Variants in RBFOX1 observed in about 807,000 individuals in gnomAD.
RBFOX1 encodes RNA binding protein fox-1 homolog 1.
Under a neutral mutation model 57.7 loss-of-function variants are expected in RBFOX1, and 8 were observed. That is an observed-to-expected ratio of 0.14 (90% CI 0.08 to 0.25). RBFOX1 has a LOEUF of 0.25. RBFOX1 is among the 10% of genes least tolerant of loss of function. The pLI is 1.00. For synonymous variants in RBFOX1, 326 were observed against 222.4 expected (o/e 1.47, Z -4.15); for missense variants, 611 against 548.5 (o/e 1.11, Z -1.14).
intron 1 of RBFOX1, among the ~76,000 whole-genome samples, chr16:5,330,724 T>TA (rs914871585): frequency 1.3e-5 from 2 of 150,830 alleles, no homozygotes; most frequent in South Asian, 2.1e-4. Flanking sequence ...TTTTTTTTTT[T>TA]AATGAGAAAC....
intron 2 of RBFOX1, among the ~76,000 whole-genome samples, chr16:6,456,915 G>A (rs1250592693): frequency 6.6e-6 from 1 of 152,198 alleles, no homozygotes; most frequent in Non-Finnish European, 1.5e-5. Context: ...TTGGGTCTTA[G>A]TGAGAAGATG....
At chr16:7,695,335 C>G (rs1345965825) in intron 14 of RBFOX1, among the ~76,000 whole-genome samples, 1 of 152,134 alleles carries the variant, frequency 6.6e-6, no homozygotes, top group African/African-American at 2.4e-5. Flanking sequence ...ACTGCTCAGT[C>G]AACAAAGGTT....
chr16:6,493,815 C>T (rs1022813884), intron 2 of RBFOX1, among the ~76,000 whole-genome samples: 1 of 152,202 alleles, frequency 6.6e-6, no homozygotes, highest in African/African-American at 2.4e-5. Context: ...ATTTCACTTC[C>T]TTTAAACACG....
intron 1 of RBFOX1, among the ~76,000 whole-genome samples, chr16:6,100,032 T>G (rs143562255): frequency 1.1e-3 from 168 of 152,342 alleles, no homozygotes; most frequent in African/African-American, 3.9e-3. Context: ...TTAGGAATGT[T>G]GAGCACATAT....
chr16:5,835,495 C>T (rs1567605415), intron 3 of RBFOX1, among the ~76,000 whole-genome samples: 2 of 152,194 alleles, frequency 1.3e-5, no homozygotes, highest in Non-Finnish European at 2.9e-5. Context: ...TATCAACATC[C>T]TGCCTGTTGG....
intron 2 of RBFOX1, among the ~76,000 whole-genome samples, chr16:6,507,101 C>T (rs1022783720): frequency 4.6e-5 from 7 of 152,112 alleles, no homozygotes; most frequent in East Asian, 3.9e-4. Flanking sequence ...CCCAAGTCTC[C>T]GCTTCTGATG....
At chr16:6,560,702 A>G (rs4419063) in intron 2 of RBFOX1, among the ~76,000 whole-genome samples, 44,613 of 152,074 alleles carry the variant, frequency 0.29, 8,021 homozygotes, top group Non-Finnish European at 0.39. Flanking sequence ...TGCATTGAAA[A>G]TTGATTATGA....
chr16:6,108,269 A>G (rs2096405642), intron 1 of RBFOX1, among the ~76,000 whole-genome samples: 1 of 152,126 alleles, frequency 6.6e-6, no homozygotes, highest in Admixed American at 6.5e-5. Flanking sequence ...CAGAGTGGTT[A>G]TAGAAGAGGG....
rs146691303 is a variant in RBFOX1, at chr16:7,005,090, G to T, written c.-15-46967G>T. On this transcript the variant is annotated intron_variant, in intron 3 of 15. Transcript: ENST00000550418. ...ATCCAGGAGGCAGAAGTTGCAGTCA[G>T]CTGAGATCGCGTCATTGCACTCCAG... is the stretch of plus-strand genomic sequence containing the variant. Among the ~76,000 whole-genome samples, 519 of 152,278 alleles carry T rather than the reference G, an allele frequency of 3.4e-3. 9 individuals are homozygous for T. Among genetic ancestry groups the T allele is most frequent in the African/African-American group, 0.012 (493 of 41,548 alleles).
At chr16:6,609,616 C>T (rs2098009901) in intron 2 of RBFOX1, among the ~76,000 whole-genome samples, 1 of 152,062 alleles carries the variant, frequency 6.6e-6, no homozygotes, top group Non-Finnish European at 1.5e-5. Flanking sequence ...TTGTTTATTT[C>T]TTTACTGGAT....
At chr16:7,371,805 T>C (rs1258293359) in intron 4 of RBFOX1, among the ~76,000 whole-genome samples, 6 of 152,218 alleles carry the variant, frequency 3.9e-5, no homozygotes, top group East Asian at 1.9e-4. Flanking sequence ...CATACAGATA[T>C]ATGTTGTTTT....
chr16:6,033,130 T>G (rs997558498), intron 1 of RBFOX1, among the ~76,000 whole-genome samples: 1 of 152,134 alleles, frequency 6.6e-6, no homozygotes, highest in African/African-American at 2.4e-5. Flanking sequence ...GTGCTAATAG[T>G]TAGTTCCTCC....
At chr16:6,388,304 G>A (rs1043766109) in intron 2 of RBFOX1, among the ~76,000 whole-genome samples, 1 of 151,882 alleles carries the variant, frequency 6.6e-6, no homozygotes, top group African/African-American at 2.4e-5. Flanking sequence ...GAACTTGGGG[G>A]ACGTAGGTCT....
At chr16:5,758,014 A>T (rs1277710618) in intron 3 of RBFOX1, among the ~76,000 whole-genome samples, 3 of 152,194 alleles carry the variant, frequency 2.0e-5, no homozygotes, top group Non-Finnish European at 4.4e-5. Flanking sequence ...GCTTCCCAGA[A>T]AAACATCTCT....
intron 11 of RBFOX1, among the ~76,000 whole-genome samples, chr16:7,652,989 C>T (rs1404716091): frequency 6.6e-6 from 1 of 151,986 alleles, no homozygotes; most frequent in African/African-American, 2.4e-5. Flanking sequence ...GCAGTTCGGC[C>T]CCAGAGATTG....
chr16:6,551,879 G>A lies in RBFOX1; in HGVS notation c.-63-102724G>A, dbSNP rs556751186. Among the ~76,000 whole-genome samples the A allele has an allele frequency of 3.9e-5, 6 of 152,276 alleles. No individual in the cohort carries two copies. The East Asian group carries it at 1.2e-3, about 29-fold the overall frequency. ...CAGTGCGTTGGTCATTTCAGAGTGG[G>A]AAAAGCCTTCAGCTCAGTGTCCTTC... On this transcript the variant is annotated intron_variant, in intron 2 of 15. Transcript: ENST00000550418.
In RBFOX1 at chr16:6,971,716, C is replaced by A. The variant is rs558326841; in HGVS notation, c.-15-80341C>A. The stretch of plus-strand genomic sequence containing the variant: ...TTGGGGTTAGGGTGTTGTTAGCAGA[C>A]CTGTGGGAGTGTGGACGGATTGGGG... On this transcript the variant is annotated intron_variant, in intron 3 of 15. Coordinates refer to ENST00000550418, the MANE Select transcript of RBFOX1 (RefSeq NM_018723.4). Among the ~76,000 whole-genome samples, 7 of 152,080 alleles carry A rather than the reference C, an allele frequency of 4.6e-5. 1 individual carries two copies. The East Asian group carries it at 1.2e-3, about 25-fold the overall frequency.
intron 1 of RBFOX1, among the ~76,000 whole-genome samples, chr16:5,386,164 G>C (rs1011743150): frequency 1.3e-5 from 2 of 151,794 alleles, no homozygotes; most frequent in African/African-American, 4.8e-5. Flanking sequence ...CCCACTAAGA[G>C]GTCAAAGCTA....
At chr16:6,392,535 T>A (rs2152935507) in intron 2 of RBFOX1, among the ~76,000 whole-genome samples, 1 of 152,346 alleles carries the variant, frequency 6.6e-6, no homozygotes, top group Middle Eastern at 3.4e-3. Flanking sequence ...AAGCTAAATG[T>A]CATTGTATTC....
Sources: gnomAD v4.1 joint callset for allele counts (sites outside exome capture counted in the v4.1 genomes callset) on GRCh38, gnomAD v4.1.1 for gene constraint, MANE v1.5 for transcripts, NCBI Gene and HGNC (gene_info 2026-07-23, HGNC 2026-07-21) for gene names.